The following FGD6 variants were observed in gnomAD, a reference collection of about 807,000 sequenced individuals.
FGD6 encodes the protein FYVE, RhoGEF and PH domain-containing protein 6.
A neutral mutation model predicts 149.4 loss-of-function variants in FGD6; 90 were observed. The ratio of observed to expected loss-of-function variants is 0.60; its 90% CI spans 0.51 to 0.72. FGD6 has a LOEUF of 0.72. Among genes scored for constraint, FGD6 ranks in the 30% least tolerant of loss-of-function variants. The pLI, the probability that FGD6 is intolerant of heterozygous loss-of-function variation, is 0.00. For missense variants in FGD6, 1,437 were observed against 1,684.8 expected (o/e 0.85, Z 2.57); for synonymous variants, 527 against 584.0 (o/e 0.90, Z 1.41).
intron 2 of FGD6, among the ~76,000 whole-genome samples, chr12:95,174,610 T>C (rs1247932944): frequency 1.3e-5 from 2 of 152,134 alleles, no homozygotes; most frequent in East Asian, 1.9e-4. Flanking sequence ...TAGTTAGTAA[T>C]AGGGCTGTGG....
intron 14 of FGD6, chr12:95,101,051 T>A (rs1170306200): frequency 3.6e-6 from 1 of 277,530 alleles, no homozygotes; most frequent in Admixed American, 3.8e-5. Context: ...GAAATAGTTA[T>A]GTTGCTGGGC....
intron 7 of FGD6, 55 bp downstream of exon 7, chr12:95,137,467 A>C: frequency 7.2e-7 from 1 of 1,380,206 alleles, no homozygotes; most frequent in Non-Finnish European, 9.5e-7. Context: ...CTTGTTATTA[A>C]AGCTTCAACA....
intron 8 of FGD6, among the ~76,000 whole-genome samples, chr12:95,124,110 C>T (rs1017565219): frequency 2.0e-5 from 3 of 151,412 alleles, no homozygotes; most frequent in Admixed American, 6.6e-5. Context: ...TGGGGTCTCC[C>T]TATGTTGCCC....
Position 95,172,589 on chromosome 12 carries a change from C to G in FGD6, c.2586+11G>C. ...GGAGAGGTCAAGAAGCAATTAAGTA[C>G]CAAAGTATACCTGTTTATCTTCCAG... On this transcript the variant is annotated intron_variant, in intron 3 of 20. Coordinates refer to ENST00000343958, the MANE Select transcript of FGD6 (RefSeq NM_018351.4). 1.9e-6 allele frequency: 3 copies of G among 1,578,352 alleles called. No individual in the cohort carries two copies. The highest frequency in any genetic ancestry group is 2.6e-6 in the Non-Finnish European group (3 of 1,158,108).
Position 95,084,481 on chromosome 12 carries a change from A to G in FGD6, c.4256+17T>C, listed in dbSNP as rs1319844080. 6.6e-7 allele frequency: 1 copy of G among 1,512,974 alleles called. No individual in the cohort carries two copies. Among genetic ancestry groups the G allele is most frequent in the South Asian group, 1.4e-5 (1 of 72,096 alleles). 93.7% of individuals were successfully genotyped at this position (1,512,974 alleles called of 1,614,324 possible). The stretch of plus-strand genomic sequence containing the variant: ...GAAATCTCATGAATAAAAGAAAAAT[A>G]TGGCCAGATTACTTACTTCTGAGCC... On this transcript the variant is annotated intron_variant, in intron 20 of 20. Transcript: ENST00000343958.
At chr12:95,174,165 G>C (rs958822426) in intron 2 of FGD6, among the ~76,000 whole-genome samples, 3 of 152,116 alleles carry the variant, frequency 2.0e-5, no homozygotes, top group African/African-American at 7.2e-5. Context: ...GTGGATAGAG[G>C]ATAGCAACTT....
chr12:95,199,152 C>T (rs1489287638), intron 2 of FGD6, among the ~76,000 whole-genome samples: 2 of 152,146 alleles, frequency 1.3e-5, no homozygotes, highest in Non-Finnish European at 2.9e-5. Flanking sequence ...CTTTCCACCC[C>T]AGCATTAGAA....
intron 1 of FGD6, among the ~76,000 whole-genome samples, chr12:95,215,162 C>T (rs2056747608): frequency 6.6e-6 from 1 of 152,166 alleles, no homozygotes; most frequent in Admixed American, 6.5e-5. Flanking sequence ...CGCCCAGCCT[C>T]TCCTTTTTCA....
intron 5 of FGD6, among the ~76,000 whole-genome samples, 186 bp downstream of exon 5, chr12:95,152,625 A>C (rs2136273046): frequency 6.6e-6 from 1 of 152,352 alleles, no homozygotes; most frequent in South Asian, 2.1e-4. Flanking sequence ...TGAAGACATA[A>C]AGTTTGAAGA....
rs549116433 is a variant in FGD6, at chr12:95,217,418, T to C, written c.-178A>G. ...AGGACGCGGCCGACTCTAGCGACCC[T>C]GCGGCGCTCCCGGGCGCGAGCCGCC... On this transcript the variant is annotated 5_prime_UTR_variant, in exon 1 of 21. Coordinates refer to ENST00000343958, the MANE Select transcript of FGD6 (RefSeq NM_018351.4). 2 of 1,039,272 alleles carry C rather than the reference T, an allele frequency of 1.9e-6. No homozygotes were observed. The highest frequency in any genetic ancestry group is 3.4e-5 in the African/African-American group (2 of 58,924). 64.4% of individuals were successfully genotyped at this position (1,039,272 alleles called of 1,614,324 possible). A position where few individuals can be genotyped will look rare whatever the true frequency, so the allele number is the denominator to read the frequency against.
chr12:95,153,753 C>A (rs900943721), intron 3 of FGD6, among the ~76,000 whole-genome samples: 1 of 152,122 alleles, frequency 6.6e-6, no homozygotes, highest in Non-Finnish European at 1.5e-5. Context: ...GGTATTTTAA[C>A]TCACAACTTA....
chr12:95,146,792 T>C (rs1173953318), intron 5 of FGD6, among the ~76,000 whole-genome samples: 1 of 152,184 alleles, frequency 6.6e-6, no homozygotes, highest in Non-Finnish European at 1.5e-5. Flanking sequence ...CAGAATCAGA[T>C]TAACTTTAAG....
chr12:95,186,904 GCCTA>G (rs1277582704), intron 2 of FGD6, among the ~76,000 whole-genome samples: 5 of 152,122 alleles, frequency 3.3e-5, no homozygotes, highest in African/African-American at 1.2e-4. Context: ...TCATAATATT[GCCTA>G]CCTGACAGAA....
Position 95,079,748 on chromosome 12 carries a change from CTA to C in FGD6, c.*1770_*1771del, listed in dbSNP as rs1877611169. The C allele has an allele frequency of 6.6e-6, 1 of 151,948 alleles. No homozygotes were observed. The highest frequency in any genetic ancestry group is 2.4e-5 in the African/African-American group (1 of 41,360). The allele number at this position is 151,948 out of a possible 1,614,324, so 9.4% of individuals were successfully genotyped here. A position where few individuals can be genotyped will look rare whatever the true frequency, so the allele number is the denominator to read the frequency against. On this transcript the variant is annotated 3_prime_UTR_variant, in exon 21 of 21. Coordinates refer to ENST00000343958, the MANE Select transcript of FGD6 (RefSeq NM_018351.4). The stretch of plus-strand genomic sequence containing the variant: ...CATGGCAAAAAATCGCCACAAAAAA[CTA>C]TAGCAGCCAACTCTAGATCTAGTAG...
rs1774533858 is a variant in FGD6, at chr12:95,209,949, ACC to A, written c.1333_1334del (p.Gly445PhefsTer12). The A allele has an allele frequency of 6.2e-7, 1 of 1,612,144 alleles. No homozygotes were observed. The highest frequency in any genetic ancestry group is 1.3e-5 in the African/African-American group (1 of 74,906). On this transcript the variant is annotated frameshift_variant, in exon 2 of 21. Coordinates refer to ENST00000343958, the MANE Select transcript of FGD6 (RefSeq NM_018351.4). LOFTEE classifies it high-confidence loss of function. ...TCATAGATACAGTACATCTTATAAA[ACC>A]GGTCCCTTCGTCCACAGCAAGCGAC... is the stretch of plus-strand genomic sequence containing the variant. ...SMSLAVDEGT[G>X]FIRCTVSMSL...
rs761126877 is a variant in FGD6 at position 95,217,292 on chromosome 12, C to T, written c.-52G>A. The T allele has an allele frequency of 6.3e-7, 1 of 1,579,556 alleles. No homozygotes were observed. Among genetic ancestry groups the T allele is most frequent in the African/African-American group, 1.4e-5 (1 of 73,514 alleles). ...GCTCGGCCCCTCAATCCATCTTCCCCTTTCAGTCCATTGTTCCCACAGTTC... is the reference window on the plus strand; with the variant it reads ...GCTCGGCCCCTCAATCCATCTTCCCTTTTCAGTCCATTGTTCCCACAGTTC... On this transcript the variant is annotated 5_prime_UTR_variant, in exon 1 of 21. Coordinates refer to ENST00000343958, the MANE Select transcript of FGD6 (RefSeq NM_018351.4).
At chr12:95,199,278 TATA>T (rs1368908344) in intron 2 of FGD6, among the ~76,000 whole-genome samples, 1 of 152,202 alleles carries the variant, frequency 6.6e-6, no homozygotes, top group Non-Finnish European at 1.5e-5. Flanking sequence ...CTGCATGATT[TATA>T]ATGATTCCTT....
chr12:95,177,241 T>C (rs1163804232), intron 2 of FGD6, among the ~76,000 whole-genome samples: 1 of 152,200 alleles, frequency 6.6e-6, no homozygotes, highest in African/African-American at 2.4e-5. Context: ...AAAAACATCC[T>C]TCTGAGCCCC....
intron 8 of FGD6, among the ~76,000 whole-genome samples, chr12:95,116,427 G>GT (rs970392269): frequency 1.3e-5 from 2 of 152,088 alleles, no homozygotes; most frequent in Admixed American, 1.3e-4. Context: ...TTAAATTTCT[G>GT]TTTTTTAATA....
Sources: allele counts gnomAD v4.1 joint callset (sites outside exome capture counted in the v4.1 genomes callset), GRCh38; gene constraint gnomAD v4.1.1; transcripts MANE v1.5; gene names NCBI Gene and HGNC (gene_info 2026-07-23, HGNC 2026-07-21).